GLIS3: variants seen among roughly 807,000 people sequenced by gnomAD.
The protein encoded by GLIS3 is GLIS family zinc finger 3, also known as zinc finger protein GLIS3.
Under a neutral mutation model 78.6 loss-of-function variants are expected in GLIS3, and 53 were observed. That is an observed-to-expected ratio of 0.67 (90% CI 0.54 to 0.85). The LOEUF is 0.85. GLIS3 is among the 40% of genes least tolerant of loss of function. The pLI is 0.00. For missense variants in GLIS3, 1,703 were observed against 1,231.1 expected (o/e 1.38, Z -5.74); for synonymous variants, 684 against 509.9 (o/e 1.34, Z -4.60).
chr9:4,159,846 G>A (rs1835343935), intron 2 of GLIS3, among the ~76,000 whole-genome samples: 1 of 152,210 alleles, frequency 6.6e-6, no homozygotes, highest in Admixed American at 6.5e-5. Context: ...AGAAGAGCCA[G>A]GAGTTAAGAC....
At chr9:4,404,080 T>G in the GLIS3 span, among the ~76,000 whole-genome samples, 15 of 152,068 alleles carry the variant, frequency 9.9e-5, no homozygotes, top group African/African-American at 3.4e-4. Context: ...TAGCTATACT[T>G]ATGAGAAAAA....
the GLIS3 span, among the ~76,000 whole-genome samples, chr9:4,422,881 G>C: frequency 2.0e-5 from 3 of 152,164 alleles, no homozygotes; most frequent in Non-Finnish European, 4.4e-5. Flanking sequence ...GATAGAAAAA[G>C]TAAACCCTCA....
chr9:4,195,091 C>T (rs2131236267), intron 2 of GLIS3, among the ~76,000 whole-genome samples: 2 of 152,394 alleles, frequency 1.3e-5, no homozygotes, highest in South Asian at 2.1e-4. Flanking sequence ...CTCTCCCCAA[C>T]TGCAAGCCAG....
intron 8 of GLIS3, among the ~76,000 whole-genome samples, chr9:3,873,374 A>G (rs571464873): frequency 6.6e-6 from 1 of 152,328 alleles, no homozygotes; most frequent in South Asian, 2.1e-4. Flanking sequence ...ACCCAACAGG[A>G]CAAGTGCGAT....
chr9:4,121,930 G>A (rs1266215234), intron 3 of GLIS3, among the ~76,000 whole-genome samples: 1 of 152,192 alleles, frequency 6.6e-6, no homozygotes, highest in East Asian at 1.9e-4. Flanking sequence ...CTACCCACAC[G>A]AGGCCCACAG....
At chr9:4,199,627 A>G (rs1819183669) in intron 2 of GLIS3, among the ~76,000 whole-genome samples, 1 of 151,968 alleles carries the variant, frequency 6.6e-6, no homozygotes, top group Non-Finnish European at 1.5e-5. Flanking sequence ...ATACATATGC[A>G]CCTAACATTG....
chr9:4,142,590 T>A (rs1296603653), intron 2 of GLIS3, among the ~76,000 whole-genome samples: 1 of 152,200 alleles, frequency 6.6e-6, no homozygotes, highest in Non-Finnish European at 1.5e-5. Flanking sequence ...AAATCTCACT[T>A]TGATCTTCTT....
intron 2 of GLIS3, among the ~76,000 whole-genome samples, chr9:4,229,987 T>A (rs1468993972): frequency 6.6e-6 from 1 of 152,194 alleles, no homozygotes; most frequent in Non-Finnish European, 1.5e-5. Context: ...ATCCCTTAAT[T>A]TCTGAAGAAA....
At chr9:4,161,848 TG>T (rs960121684) in intron 2 of GLIS3, among the ~76,000 whole-genome samples, 8 of 12,080 alleles carry the variant, frequency 6.6e-4, no homozygotes, top group South Asian at 8.6e-3. Context: ...AGCTAATTTT[TG>T]TTTTTTTTTT....
intron 6 of GLIS3, among the ~76,000 whole-genome samples, chr9:3,899,442 C>T (rs1049539904): frequency 6.8e-6 from 1 of 146,566 alleles, no homozygotes; most frequent in African/African-American, 2.5e-5. Flanking sequence ...AAAAATCAAA[C>T]AATAAAAAAT....
intron 2 of GLIS3, among the ~76,000 whole-genome samples, chr9:4,250,917 C>A (rs185477841): frequency 6.6e-5 from 10 of 152,102 alleles, no homozygotes; most frequent in African/African-American, 2.2e-4. Flanking sequence ...TGTAGTTGTG[C>A]GGTTTTGAGT....
At chr9:4,299,110 C>G (rs1017485867) in intron 1 of GLIS3, among the ~76,000 whole-genome samples, 10 of 152,120 alleles carry the variant, frequency 6.6e-5, no homozygotes, top group African/African-American at 2.4e-4. Flanking sequence ...AAAAACTGTT[C>G]CGAATTAGCG....
intron 2 of GLIS3, among the ~76,000 whole-genome samples, chr9:4,195,133 T>G (rs1818692189): frequency 6.6e-6 from 1 of 152,176 alleles, no homozygotes; most frequent in Admixed American, 6.5e-5. Flanking sequence ...AACTGAGAGG[T>G]GACAACATGC....
At chr9:3,941,817 A>G (rs1429482885) in intron 4 of GLIS3, among the ~76,000 whole-genome samples, 1 of 152,228 alleles carries the variant, frequency 6.6e-6, no homozygotes, top group Non-Finnish European at 1.5e-5. Flanking sequence ...TTGCAAACCT[A>G]AAGAATCTTA....
the GLIS3 span, among the ~76,000 whole-genome samples, chr9:4,447,030 C>T: frequency 1.3e-5 from 2 of 151,934 alleles, no homozygotes; most frequent in Non-Finnish European, 2.9e-5. Flanking sequence ...CTGTAATGGA[C>T]CTCTATGCCA....
At chr9:3,849,124 A>G (rs1819246858) in intron 9 of GLIS3, among the ~76,000 whole-genome samples, 1 of 152,212 alleles carries the variant, frequency 6.6e-6, no homozygotes. Flanking sequence ...GGCAACTGGA[A>G]ACTCCAGAGG....
At chr9:4,275,467 G>C (rs1278114803) in intron 2 of GLIS3, among the ~76,000 whole-genome samples, 2 of 152,014 alleles carry the variant, frequency 1.3e-5, no homozygotes. Flanking sequence ...AGCACATAAA[G>C]AATGAGATTG....
intron 3 of GLIS3, among the ~76,000 whole-genome samples, chr9:4,120,115 C>G (rs1025265992): frequency 6.6e-6 from 1 of 152,160 alleles, no homozygotes; most frequent in African/African-American, 2.4e-5. Flanking sequence ...TCAAAATGAA[C>G]ACATTGTTTC....
chr9:4,056,822 T>C (rs1185212801), intron 4 of GLIS3, among the ~76,000 whole-genome samples: 3 of 150,528 alleles, frequency 2.0e-5, no homozygotes, highest in Non-Finnish European at 4.4e-5. Flanking sequence ...GGGAAAAGAG[T>C]TGGCAAAAGC....
Sources: allele counts gnomAD v4.1 joint callset (sites outside exome capture counted in the v4.1 genomes callset), GRCh38; gene constraint gnomAD v4.1.1; transcripts MANE v1.5; gene names NCBI Gene and HGNC (gene_info 2026-07-23, HGNC 2026-07-21).